ARHGEF7: variants seen among roughly 807,000 people sequenced by gnomAD.
ARHGEF7 encodes the protein PAK-interacting exchange factor beta.
In ARHGEF7, 33 loss-of-function variants were observed where a neutral mutation model predicts 109.8. That is an observed-to-expected ratio of 0.30 (90% CI 0.23 to 0.40). The LOEUF is 0.40. ARHGEF7 is among the 10% of genes least tolerant of loss of function. ARHGEF7 has a pLI of 1.00. For missense variants in ARHGEF7, 938 were observed against 1,098.5 expected, an observed-to-expected ratio of 0.85 and a Z score of 2.07; for synonymous variants, 458 against 424.6, an observed-to-expected ratio of 1.08 and a Z score of -0.97.
At chr13:111,219,946 G>GC (rs1277538554) in intron 5 of ARHGEF7, among the ~76,000 whole-genome samples, 1 of 152,178 alleles carries the variant, frequency 6.6e-6, no homozygotes, top group African/African-American at 2.4e-5. Context: ...CCCACTGAGA[G>GC]CGCGGCACTG....
chr13:111,186,847 G>A, intron 2 of ARHGEF7: 1 of 985,472 alleles, frequency 1.0e-6, no homozygotes, highest in Non-Finnish European at 1.2e-6. Context: ...CTCTCCGTCA[G>A]TATTGAGATG....
chr13:111,172,150 A>G (rs1290657578), intron 2 of ARHGEF7, among the ~76,000 whole-genome samples: 1 of 152,214 alleles, frequency 6.6e-6, no homozygotes, highest in African/African-American at 2.4e-5. Context: ...TAAATACGTA[A>G]GTAGCTCTTA....
At chr13:111,294,261 C>T (rs1218741831) in intron 19 of ARHGEF7, 1 of 985,386 alleles carries the variant, frequency 1.0e-6, no homozygotes, top group Non-Finnish European at 1.2e-6. Context: ...TAGTCCTCTG[C>T]GTCAGGGAGC....
intron 1 of ARHGEF7, among the ~76,000 whole-genome samples, chr13:111,120,391 A>G (rs1447454613): frequency 6.6e-6 from 1 of 152,238 alleles, no homozygotes; most frequent in Admixed American, 6.5e-5. Flanking sequence ...ACACTTGCAC[A>G]TGCATGTGCA....
chr13:111,124,101 A>G (rs1387581393), intron 1 of ARHGEF7, among the ~76,000 whole-genome samples: 1 of 151,476 alleles, frequency 6.6e-6, no homozygotes, highest in Non-Finnish European at 1.5e-5. Flanking sequence ...CTTCCCTTTC[A>G]GTCAGTCCCT....
chr13:111,234,618 A>C (rs987051172), intron 6 of ARHGEF7, among the ~76,000 whole-genome samples: 2 of 152,032 alleles, frequency 1.3e-5, no homozygotes, highest in Non-Finnish European at 2.9e-5. Context: ...CTCATGCATC[A>C]TGCCACTTCT....
intron 4 of ARHGEF7, among the ~76,000 whole-genome samples, chr13:111,216,245 C>T (rs2083121125): frequency 6.6e-6 from 1 of 152,102 alleles, no homozygotes; most frequent in African/African-American, 2.4e-5. Flanking sequence ...TCTTTTATTT[C>T]CCACAAGTCC....
chr13:111,269,749 C>T lies in ARHGEF7; in HGVS notation c.1073+2079C>T, dbSNP rs529484657. ...GGAACATGAAGCTTGTGTGCCCTCC[C>T]GAGGTCCCTGCACCACGAGAGTTCC... is the stretch of plus-strand genomic sequence containing the variant. On this transcript the variant is annotated intron_variant, in intron 9 of 21. Transcript: ENST00000646102. Among the ~76,000 whole-genome samples the T allele has an allele frequency of 4.8e-3, 725 of 152,280 alleles. 6 individuals are homozygous for T. The highest frequency in any genetic ancestry group is 7.8e-3 in the Non-Finnish European group (529 of 68,020).
At chr13:111,160,052 A>T (rs1300566917) in intron 2 of ARHGEF7, among the ~76,000 whole-genome samples, 1 of 152,116 alleles carries the variant, frequency 6.6e-6, no homozygotes, top group African/African-American at 2.4e-5. Flanking sequence ...ACAAGGTTCC[A>T]ATTTAATTTT....
chr13:111,201,842 G>A (rs993084152), intron 2 of ARHGEF7, among the ~76,000 whole-genome samples: 3 of 152,050 alleles, frequency 2.0e-5, no homozygotes, highest in Non-Finnish European at 4.4e-5. Context: ...TGTGTTGTGC[G>A]GTTCAGTGTT....
chr13:111,191,167 C>G (rs1490816538), intron 2 of ARHGEF7, among the ~76,000 whole-genome samples: 1 of 151,832 alleles, frequency 6.6e-6, no homozygotes. Flanking sequence ...TTTTGGGGGG[C>G]CCTGAGAAGT....
intron 19 of ARHGEF7, among the ~76,000 whole-genome samples, chr13:111,300,096 T>C (rs569553206): frequency 6.6e-6 from 1 of 152,348 alleles, no homozygotes; most frequent in South Asian, 2.1e-4. Flanking sequence ...AAAGTACATA[T>C]TTTGCAACAT....
At chr13:111,242,325 T>TAAC (rs1366514348) in intron 6 of ARHGEF7, among the ~76,000 whole-genome samples, 1 of 152,106 alleles carries the variant, frequency 6.6e-6, no homozygotes, top group African/African-American at 2.4e-5. Context: ...GCAAACAGAG[T>TAAC]AACGACCCGG....
At chr13:111,175,641 G>A (rs371896115) in intron 2 of ARHGEF7, among the ~76,000 whole-genome samples, 63 of 152,294 alleles carry the variant, frequency 4.1e-4, no homozygotes, top group Non-Finnish European at 6.3e-4. Flanking sequence ...TGCTCCAGGC[G>A]CTTTGAAAGG....
chr13:111,273,971 C>T lies in ARHGEF7; in HGVS notation c.1212+19C>T. On this transcript the variant is annotated intron_variant, in intron 10 of 21. Coordinates refer to ENST00000646102, the MANE Select transcript of ARHGEF7 (RefSeq NM_001354046.2). The surrounding 1 kb of genome is among the most constrained non-coding windows in gnomAD (Gnocchi z 4.5). The stretch of plus-strand genomic sequence containing the variant: ...CATGGAGGTACTGCGCTTTCATTCT[C>T]TTACTTGGAGTCCTTACCAAGGGTT... 2 of 1,613,124 alleles carry T rather than the reference C, an allele frequency of 1.2e-6. No homozygotes were observed. The highest frequency in any genetic ancestry group is 1.7e-6 in the Non-Finnish European group (2 of 1,179,220).
intron 2 of ARHGEF7, among the ~76,000 whole-genome samples, chr13:111,184,152 A>G (rs897028207): frequency 1.3e-5 from 2 of 152,094 alleles, no homozygotes; most frequent in Admixed American, 1.3e-4. Context: ...TGGTTTTATA[A>G]GGGGCTTCCC....
rs186975178 is a variant in ARHGEF7, at chr13:111,265,017, G to A, written c.951-2531G>A. On this transcript the variant is annotated intron_variant, in intron 8 of 21. Transcript: ENST00000646102. Reference sequence around the variant, plus strand: ...TGCATGCCTGTAATCCCAGCTACTCGGGAGGCTGAGACACGAGAATCGCTT... The same window carrying A: ...TGCATGCCTGTAATCCCAGCTACTCAGGAGGCTGAGACACGAGAATCGCTT... 6.4e-3 allele frequency among the ~76,000 whole-genome samples: 968 copies of A among 151,766 alleles called. 10 individuals are homozygous for A. The highest frequency in any genetic ancestry group is 0.022 in the African/African-American group (908 of 41,314).
chr13:111,279,477 C>T (rs566668503), intron 13 of ARHGEF7, among the ~76,000 whole-genome samples: 4 of 152,332 alleles, frequency 2.6e-5, no homozygotes, highest in African/African-American at 4.8e-5. Context: ...AGCAGCACTC[C>T]GTCTGGAGGT....
At chr13:111,157,598 G>A (rs2076439577) in intron 2 of ARHGEF7, among the ~76,000 whole-genome samples, 1 of 152,056 alleles carries the variant, frequency 6.6e-6, no homozygotes, top group South Asian at 2.1e-4. Flanking sequence ...TGATGATGAT[G>A]ATGTTTGTAG....
Sources: allele counts gnomAD v4.1 joint callset (sites outside exome capture counted in the v4.1 genomes callset), GRCh38; gene constraint gnomAD v4.1.1; non-coding constraint Gnocchi (gnomAD v3.1); transcripts MANE v1.5; gene names NCBI Gene and HGNC (gene_info 2026-07-23, HGNC 2026-07-21).